The following PCDHGA6 variants were observed in gnomAD, a reference collection of about 807,000 sequenced individuals.
PCDHGA6 encodes protocadherin gamma-A6.
A neutral mutation model predicts 60.6 loss-of-function variants in PCDHGA6; 41 were observed. That is an observed-to-expected ratio of 0.68 (90% CI 0.53 to 0.88). PCDHGA6 has a LOEUF of 0.88. Among genes scored for constraint, PCDHGA6 ranks in the 40% least tolerant of loss-of-function variants. The pLI is 0.00. For synonymous variants in PCDHGA6, 594 were observed against 524.4 expected (o/e 1.13, Z -1.81); for missense variants, 1,312 against 1,203.0 (o/e 1.09, Z -1.34).
chr5:141,414,855 C>G, intron 1 of PCDHGA6: 1 of 1,614,238 alleles, frequency 6.2e-7, no homozygotes, highest in South Asian at 1.1e-5. Flanking sequence ...TGGACCAGAA[C>G]GACAATGCGC....
At chr5:141,421,616 AC>A in intron 1 of PCDHGA6, 1 of 1,613,792 alleles carries the variant, frequency 6.2e-7, no homozygotes, top group Non-Finnish European at 8.5e-7. Context: ...ATTAATGATA[AC>A]GCCCCCAGCT....
intron 1 of PCDHGA6, chr5:141,413,285 A>G: frequency 1.9e-6 from 3 of 1,613,892 alleles, no homozygotes; most frequent in Non-Finnish European, 2.5e-6. Flanking sequence ...CAGATCTCCT[A>G]CTCAATTCCT....
At chr5:141,401,614 G>T (rs1242268897) in intron 1 of PCDHGA6, among the ~76,000 whole-genome samples, 1 of 152,188 alleles carries the variant, frequency 6.6e-6, no homozygotes, top group Non-Finnish European at 1.5e-5. Context: ...AAAGACACCG[G>T]ATTTGTCTTA....
chr5:141,419,423 C>A, intron 1 of PCDHGA6: 1 of 1,613,368 alleles, frequency 6.2e-7, no homozygotes, highest in Non-Finnish European at 8.5e-7. Context: ...CGCCTTCGAC[C>A]ACGAGCAGCT....
At chr5:141,470,872 TTTTTTGTTTTTG>T (rs900302332) in intron 1 of PCDHGA6, among the ~76,000 whole-genome samples, 1 of 151,814 alleles carries the variant, frequency 6.6e-6, no homozygotes, top group Non-Finnish European at 1.5e-5. Context: ...GTTTGTTTGT[TTTTTTGTTTTTG>T]TTTTTGTTTT....
At position 141,431,374 on chromosome 5, in the gene PCDHGA6, G is replaced by T. The variant is rs1561851775; in HGVS notation, c.2424+54867G>T. On this transcript the variant is annotated intron_variant, in intron 1 of 3. Coordinates refer to ENST00000517434, the MANE Select transcript of PCDHGA6 (RefSeq NM_018919.3). The surrounding 1 kb of genome is among the most constrained non-coding windows in gnomAD (Gnocchi z 4.8). ...AACGCGCCCTGGACCGCGAAGAAAA[G>T]GCTGCTCACCACCTGGTCCTTACGG... 1.9e-6 allele frequency: 3 copies of T among 1,613,862 alleles called. No individual in the cohort carries two copies. Among genetic ancestry groups the T allele is most frequent in the Non-Finnish European group, 2.5e-6 (3 of 1,180,044 alleles).
In PCDHGA6 at chr5:141,489,637, T is replaced by G. The variant is rs1230531256; in HGVS notation, c.2425-5170T>G. The G allele has an allele frequency of 6.2e-6, 10 of 1,614,032 alleles. No homozygotes were observed. The highest frequency in any genetic ancestry group is 2.7e-5 in the African/African-American group (2 of 74,914). On this transcript the variant is annotated intron_variant, in intron 1 of 3. Transcript: ENST00000517434. The surrounding 1 kb of genome is among the most constrained non-coding windows in gnomAD (Gnocchi z 4.5). The stretch of plus-strand genomic sequence containing the variant: ...GGATCTCAATGACAACTCTCCTAGC[T>G]TTGCCACCCCTGAGCGAGAGATGCG...
In PCDHGA6 at chr5:141,476,229, C is replaced by T; in HGVS notation, c.2425-18578C>T. ...TCCACGGTCATTCACTATGAGATCC[C>T]GGAGGAAAGAGAGAAGGGTTTCGCT... On this transcript the variant is annotated intron_variant, in intron 1 of 3. Coordinates refer to ENST00000517434, the MANE Select transcript of PCDHGA6 (RefSeq NM_018919.3). The surrounding 1 kb of genome is among the most constrained non-coding windows in gnomAD (Gnocchi z 7.6). 1 of 1,613,872 alleles carries T rather than the reference C, an allele frequency of 6.2e-7. No individual in the cohort carries two copies. The highest frequency in any genetic ancestry group is 2.2e-5 in the East Asian group (1 of 44,822).
At position 141,375,325 on chromosome 5, in the gene PCDHGA6, G is replaced by T; in HGVS notation, c.1242G>T (p.Glu414Asp). 6.2e-7 allele frequency: 1 copy of T among 1,613,768 alleles called. No individual in the cohort carries two copies. Among genetic ancestry groups the T allele is most frequent in the Non-Finnish European group, 8.5e-7 (1 of 1,179,896 alleles). The change falls in exon 1 of 4, where the codon GAG becomes GAT. Residue 414 changes from glutamate (E) to aspartate (D), a missense_variant. Glu to Asp is a conservative substitution (Grantham distance 45). Transcript: ENST00000517434. Reference sequence around the variant, plus strand: ...CAAATGCAGCTCTAGACCGGGAAGAGGTATTCTTGTACAACATCACTGTGA... The same window carrying T: ...CAAATGCAGCTCTAGACCGGGAAGATGTATTCTTGTACAACATCACTGTGA... ...LVTNAALDRE[E>D]VFLYNITVTA...
chr5:141,395,093 C>T (rs1372671941), intron 1 of PCDHGA6: 1 of 1,614,158 alleles, frequency 6.2e-7, no homozygotes, highest in Non-Finnish European at 8.5e-7. Flanking sequence ...TCTCCCTCAC[C>T]GCCGACTCGC....
intron 1 of PCDHGA6, chr5:141,387,572 T>C (rs369703788): frequency 1.9e-4 from 92 of 480,688 alleles, no homozygotes; most frequent in Non-Finnish European, 2.3e-4. Flanking sequence ...CAATTATAAT[T>C]ATTGCACTGG....
Position 141,433,059 on chromosome 5 carries a change from A to G in PCDHGA6, c.2424+56552A>G, listed in dbSNP as rs745951077. 1.1e-5 allele frequency: 18 copies of G among 1,614,000 alleles called. No individual in the cohort carries two copies. In the East Asian group the frequency reaches 3.8e-4, roughly 34 times the overall value. On this transcript the variant is annotated intron_variant, in intron 1 of 3. Transcript: ENST00000517434. ...CTCACCACGGACTCGCGGAAGAGTC[A>G]CCTGATCTTCCCCCAGCCCAACTAT...
intron 1 of PCDHGA6, chr5:141,419,303 G>A (rs1561779463): frequency 1.2e-6 from 2 of 1,613,970 alleles, no homozygotes; most frequent in Non-Finnish European, 1.7e-6. Flanking sequence ...CCCAGACTTC[G>A]GGCTCAACGG....
chr5:141,413,483 G>A (rs2095646690), intron 1 of PCDHGA6: 1 of 1,614,080 alleles, frequency 6.2e-7, no homozygotes, highest in East Asian at 2.2e-5. Flanking sequence ...TGCGCTCAGA[G>A]CGCGCGGTGC....
In PCDHGA6 at chr5:141,434,915, T is replaced by A. The variant is rs1301814716; in HGVS notation, c.2424+58408T>A. Among the ~76,000 whole-genome samples, 3 of 151,830 alleles carry A rather than the reference T, an allele frequency of 2.0e-5. No homozygotes were observed. The East Asian group carries it at 5.8e-4, about 29-fold the overall frequency. ...GTCCCCTTCCCTCATACCTTATTTATGTACATATATTTTATATAATAGATA... is the reference window on the plus strand; with the variant it reads ...GTCCCCTTCCCTCATACCTTATTTAAGTACATATATTTTATATAATAGATA... On this transcript the variant is annotated intron_variant, in intron 1 of 3. Transcript: ENST00000517434.
At chr5:141,412,713 TG>T (rs1172943618) in intron 1 of PCDHGA6, 2 of 152,812 alleles carry the variant, frequency 1.3e-5, no homozygotes, top group Non-Finnish European at 2.9e-5. Context: ...TGTACATTTC[TG>T]TTGGGAAAAC....
chr5:141,432,287 G>T lies in PCDHGA6; in HGVS notation c.2424+55780G>T. 1 of 1,614,216 alleles carries T rather than the reference G, an allele frequency of 6.2e-7. No individual in the cohort carries two copies. The highest frequency in any genetic ancestry group is 8.5e-7 in the Non-Finnish European group (1 of 1,180,030). On this transcript the variant is annotated intron_variant, in intron 1 of 3. Coordinates refer to ENST00000517434, the MANE Select transcript of PCDHGA6 (RefSeq NM_018919.3). This position sits in a 1 kb window ranked among gnomAD's most constrained non-coding sequence, Gnocchi z 6.0. ...ATCGTCCTACGTGTCCATCAACTCC[G>T]ACACTGGGGTACTGTATGCGCTGAG...
In PCDHGA6 at chr5:141,489,163, C is replaced by T. The variant is rs2099683398; in HGVS notation, c.2425-5644C>T. 1 of 1,060,592 alleles carries T rather than the reference C, an allele frequency of 9.4e-7. No individual in the cohort carries two copies. Among genetic ancestry groups the T allele is most frequent in the Admixed American group, 2.4e-5 (1 of 41,724 alleles). The allele number at this position is 1,060,592 out of a possible 1,614,324, so 65.7% of individuals were successfully genotyped here. On this transcript the variant is annotated intron_variant, in intron 1 of 3. Coordinates refer to ENST00000517434, the MANE Select transcript of PCDHGA6 (RefSeq NM_018919.3). This position sits in a 1 kb window ranked among gnomAD's most constrained non-coding sequence, Gnocchi z 4.5. ...TGGAAGGAGACATAAGAGACTTCAGCTGCTGCATTCCAAGCCCTGGGTCTA... is the reference window on the plus strand; with the variant it reads ...TGGAAGGAGACATAAGAGACTTCAGTTGCTGCATTCCAAGCCCTGGGTCTA...
At chr5:141,389,855 G>GAGAGC (rs2091946783) in intron 1 of PCDHGA6, 1 of 1,613,942 alleles carries the variant, frequency 6.2e-7, no homozygotes, top group Non-Finnish European at 8.5e-7. Flanking sequence ...CCACTGCCAC[G>GAGAGC]TTGCACCTGG....
Sources: gnomAD v4.1 joint callset for allele counts (sites outside exome capture counted in the v4.1 genomes callset) on GRCh38, gnomAD v4.1.1 for gene constraint, Gnocchi (gnomAD v3.1) non-coding constraint, MANE v1.5 for transcripts, NCBI Gene and HGNC (gene_info 2026-07-23, HGNC 2026-07-21) for gene names.